Variants in TVP23A observed in about 807,000 individuals in gnomAD.
TVP23A encodes the protein Golgi apparatus membrane protein TVP23 homolog A.
TVP23A carries 21 observed loss-of-function variants against 31.7 expected under a neutral mutation model. The ratio of observed to expected loss-of-function variants is 0.66; its 90% CI spans 0.47 to 0.95. The LOEUF is 0.95. Among genes scored for constraint, TVP23A ranks in the 40% least tolerant of loss-of-function variants. The probability of loss-of-function intolerance (pLI) is 0.00; values close to 1 mark genes in which losing one functional copy is unlikely to be tolerated. For synonymous variants in TVP23A, 104 were observed against 96.0 expected, an observed-to-expected ratio of 1.08 and a Z score of -0.49; for missense variants, 279 against 255.6, an observed-to-expected ratio of 1.09 and a Z score of -0.62.
chr16:10,818,165 G>A lies in TVP23A; in HGVS notation c.27C>T (p.Thr9=), dbSNP rs1184001272. MKQALVDD[T]EDVSLDFGNE... ...TTCCAAAGTCCAGGGACACATCCTC[G>A]GTATCGTCCACCAGGGCCTGGGAGG... Residue 9 remains threonine (T), a synonymous_variant, in exon 2 of 8, where the codon ACC becomes ACT. Transcript: ENST00000299866. The surrounding 1 kb of genome is among the most constrained non-coding windows in gnomAD (Gnocchi z 4.7). 4 of 1,606,662 alleles carry A rather than the reference G, an allele frequency of 2.5e-6. No homozygotes were observed. In the East Asian group the frequency reaches 6.7e-5, roughly 27 times the overall value.
intron 7 of TVP23A, among the ~76,000 whole-genome samples, chr16:10,769,793 T>C (rs79666251): frequency 0.028 from 4,300 of 152,212 alleles, 96 homozygotes; most frequent in Non-Finnish European, 0.042. Context: ...TTTAATTATA[T>C]AAAAAAGAGG....
chr16:10,764,748 C>T (rs902261513), downstream of TVP23A, among the ~76,000 whole-genome samples: 1 of 148,304 alleles, frequency 6.7e-6, no homozygotes, highest in African/African-American at 2.5e-5. Flanking sequence ...TCTCAGTCTG[C>T]TGGAGTATGT....
At chr16:10,805,094 G>C (rs2033882711) in intron 2 of TVP23A, among the ~76,000 whole-genome samples, 1 of 152,144 alleles carries the variant, frequency 6.6e-6, no homozygotes, top group Non-Finnish European at 1.5e-5. Context: ...CTGGAGTGCA[G>C]TGGTGTGATC....
chr16:10,786,328 C>T (rs942115458), intron 2 of TVP23A, among the ~76,000 whole-genome samples: 1 of 151,984 alleles, frequency 6.6e-6, no homozygotes, highest in African/African-American at 2.4e-5. Context: ...AATCTCAGCA[C>T]TTTGGGAGGC....
downstream of TVP23A, chr16:10,766,583 G>A (rs1022704925): frequency 6.4e-5 from 11 of 171,134 alleles, no homozygotes; most frequent in Admixed American, 1.3e-4. The surrounding 1 kb of genome is among the most constrained non-coding windows in gnomAD (Gnocchi z 4.8). Flanking sequence ...CCTCCCTAGC[G>A]AGTTCCACAT....
intron 2 of TVP23A, among the ~76,000 whole-genome samples, chr16:10,812,969 C>T (rs2034270591): frequency 6.6e-6 from 1 of 152,042 alleles, no homozygotes; most frequent in African/African-American, 2.4e-5. Flanking sequence ...GCATGGCTAA[C>T]ATTTCCTCTG....
chr16:10,796,418 G>GATTTT (rs370573686), intron 2 of TVP23A, among the ~76,000 whole-genome samples: 3,975 of 151,704 alleles, frequency 0.026, 76 homozygotes, highest in African/African-American at 0.053. Context: ...TAGTAAAAGG[G>GATTTT]ATTTTATTTT....
Position 10,788,378 on chromosome 16 carries a change from G to A in TVP23A, c.90-13282C>T, listed in dbSNP as rs151016013. On this transcript the variant is annotated intron_variant, in intron 2 of 7. Transcript: ENST00000299866. ...CAACCTCCATCTCCCGGATTCAAGCGATTCTCCTGCCTCAGCCTCCTGAGC... is the reference window on the plus strand; with the variant it reads ...CAACCTCCATCTCCCGGATTCAAGCAATTCTCCTGCCTCAGCCTCCTGAGC... 3.6e-3 allele frequency among the ~76,000 whole-genome samples: 550 copies of A among 151,978 alleles called. 3 individuals are homozygous for A. Among genetic ancestry groups the A allele is most frequent in the African/African-American group, 0.012 (494 of 41,438 alleles).
intron 2 of TVP23A, among the ~76,000 whole-genome samples, chr16:10,798,665 GTT>G (rs1003933414): frequency 6.6e-6 from 1 of 151,980 alleles, no homozygotes; most frequent in African/African-American, 2.4e-5. Flanking sequence ...TTTTGTTTTT[GTT>G]TTTGTTTTTG....
intron 2 of TVP23A, among the ~76,000 whole-genome samples, chr16:10,781,566 G>A (rs2032424451): frequency 6.6e-6 from 1 of 152,152 alleles, no homozygotes; most frequent in African/African-American, 2.4e-5. Context: ...AGCCACCTGA[G>A]GAGGTCTCAC....
chr16:10,817,638 G>T (rs1339002105), intron 2 of TVP23A, among the ~76,000 whole-genome samples: 2 of 152,152 alleles, frequency 1.3e-5, no homozygotes, highest in African/African-American at 2.4e-5. Flanking sequence ...CTCCCCTCTG[G>T]CCTCAGTGGC....
chr16:10,759,310 G>C (rs574755847), downstream of TVP23A, among the ~76,000 whole-genome samples: 9 of 152,328 alleles, frequency 5.9e-5, no homozygotes, highest in African/African-American at 2.2e-4. This position sits in a 1 kb window ranked among gnomAD's most constrained non-coding sequence, Gnocchi z 4.7. Context: ...TCAGAAAATG[G>C]TGCAAGATTC....
chr16:10,769,221 CT>C (rs1302905351), intron 7 of TVP23A, 120 bp from the exon 8 acceptor site: 1 of 836,174 alleles, frequency 1.2e-6, no homozygotes, highest in African/African-American at 1.7e-5. Context: ...GGACCAGATG[CT>C]GGTGTGGTCC....
At chr16:10,762,374 G>C (rs1465805827), downstream of TVP23A, among the ~76,000 whole-genome samples, 1 of 152,190 alleles carries the variant, frequency 6.6e-6, no homozygotes, top group Admixed American at 6.5e-5. Flanking sequence ...TTAAGTACGT[G>C]GGTCTCCCAG....
chr16:10,799,692 C>G (rs754360976), intron 2 of TVP23A, among the ~76,000 whole-genome samples: 9 of 152,134 alleles, frequency 5.9e-5, no homozygotes, highest in South Asian at 2.1e-4. Context: ...TTTCAAGGGG[C>G]AGGAAAGACA....
chr16:10,773,247 C>A (rs951643915), intron 5 of TVP23A, 66 bp downstream of exon 5: 29 of 1,522,048 alleles, frequency 1.9e-5, no homozygotes, highest in Non-Finnish European at 2.5e-5. Context: ...CAACAAAAGC[C>A]TAGTGGTGCA....
downstream of TVP23A, chr16:10,761,985 C>G: frequency 5.8e-6 from 4 of 687,308 alleles, no homozygotes; most frequent in Non-Finnish European, 9.7e-6. Flanking sequence ...GGCGCTGGAG[C>G]CAGACCCACC....
In TVP23A at chr16:10,779,971, C is replaced by G. The variant is rs540076776; in HGVS notation, c.90-4875G>C. Among the ~76,000 whole-genome samples, 6 of 152,176 alleles carry G rather than the reference C, an allele frequency of 3.9e-5. No individual in the cohort carries two copies. The highest frequency in any genetic ancestry group is 1.4e-4 in the African/African-American group (6 of 41,518). On this transcript the variant is annotated intron_variant, in intron 2 of 7. Transcript: ENST00000299866. This position sits in a 1 kb window ranked among gnomAD's most constrained non-coding sequence, Gnocchi z 4.9. Reference sequence around the variant, plus strand: ...GGTGTGGTGGTGCACGCCTATAATTCCAGCTACTCGGGAGGCTGAGGCAGG... The same window carrying G: ...GGTGTGGTGGTGCACGCCTATAATTGCAGCTACTCGGGAGGCTGAGGCAGG...
chr16:10,773,804 C>A (rs1021499112), intron 4 of TVP23A, among the ~76,000 whole-genome samples: 1 of 152,212 alleles, frequency 6.6e-6, no homozygotes, highest in Non-Finnish European at 1.5e-5. Flanking sequence ...CTCCTAACCT[C>A]AAGTGATCCA....
Sources: gnomAD v4.1 joint callset for allele counts (sites outside exome capture counted in the v4.1 genomes callset) on GRCh38, gnomAD v4.1.1 for gene constraint, Gnocchi (gnomAD v3.1) non-coding constraint, MANE v1.5 for transcripts, NCBI Gene and HGNC (gene_info 2026-07-23, HGNC 2026-07-21) for gene names.